The following CASK variants were observed in gnomAD, a reference collection of about 807,000 sequenced individuals.
CASK encodes the protein peripheral plasma membrane protein CASK.
Under a neutral mutation model 82.9 loss-of-function variants are expected in CASK, and 4 were observed. The observed-to-expected ratio is 0.05, with a 90% CI of 0.02 to 0.11. The LOEUF (loss-of-function observed/expected upper bound fraction) is 0.11. CASK is among the 10% of genes least tolerant of loss of function. CASK has a pLI of 1.00. For synonymous variants in CASK, 259 were observed against 253.5 expected, an observed-to-expected ratio of 1.02 and a Z score of -0.20; for missense variants, 358 against 720.9, an observed-to-expected ratio of 0.50 and a Z score of 5.76.
At chrX:41,809,084 C>T (rs1000253890) in intron 2 of CASK, among the ~76,000 whole-genome samples, 50 of 112,390 alleles carry the variant, frequency 4.4e-4, no homozygotes, top group South Asian at 2.2e-3. Flanking sequence ...GTAAACAAAG[C>T]GGCCAGGAAG....
At chrX:41,888,740 T>C (rs1339612086) in intron 1 of CASK, among the ~76,000 whole-genome samples, 6 of 101,899 alleles carry the variant, frequency 5.9e-5, no homozygotes, top group South Asian at 4.2e-4. Flanking sequence ...TGTATATATA[T>C]ACATATATAT....
At chrX:41,570,010 CTTTTTTT>C (rs397937722) in intron 15 of CASK, among the ~76,000 whole-genome samples, 7 of 70,627 alleles carry the variant, frequency 9.9e-5, no homozygotes, top group East Asian at 5.1e-4. Context: ...TTTCTTTTTT[CTTTTTTT>C]TTTTTTTTTT....
At chrX:41,888,746 T>C (rs939974726) in intron 1 of CASK, among the ~76,000 whole-genome samples, 1 of 99,811 alleles carries the variant, frequency 1.0e-5, no homozygotes, top group African/African-American at 3.6e-5. Flanking sequence ...TATATACATA[T>C]ATATGTATAT....
intron 1 of CASK, among the ~76,000 whole-genome samples, chrX:41,856,933 T>C: frequency 9.0e-6 from 1 of 111,228 alleles, no homozygotes; most frequent in Non-Finnish European, 1.9e-5. Context: ...GAGTCCCTTT[T>C]TGACTAACAG....
At chrX:41,747,676 C>T (rs1033951287) in intron 3 of CASK, among the ~76,000 whole-genome samples, 2 of 111,890 alleles carry the variant, frequency 1.8e-5, no homozygotes, top group Non-Finnish European at 3.8e-5. Context: ...CTCCTGACCT[C>T]GTGATCCGCC....
intron 14 of CASK, chrX:41,585,122 T>TA (rs2065637449): frequency 8.9e-6 from 1 of 112,033 alleles, no homozygotes; most frequent in Non-Finnish European, 1.9e-5. Flanking sequence ...GGAAAAGAGT[T>TA]AGAGAAGAGA....
chrX:41,747,916 T>C (rs528985652), intron 3 of CASK, among the ~76,000 whole-genome samples: 7 of 112,678 alleles, frequency 6.2e-5, no homozygotes, highest in African/African-American at 2.3e-4. Flanking sequence ...TTGCATTTCC[T>C]TGATTACTAC....
chrX:41,876,184 G>A (rs2071813875), intron 1 of CASK, among the ~76,000 whole-genome samples: 1 of 111,046 alleles, frequency 9.0e-6, no homozygotes, highest in Non-Finnish European at 1.9e-5. Context: ...TATTATTACA[G>A]CTATTGAGTA....
At chrX:41,720,023 A>G (rs1199144220) in intron 5 of CASK, among the ~76,000 whole-genome samples, 1 of 112,914 alleles carries the variant, frequency 8.9e-6, no homozygotes, top group Non-Finnish European at 1.9e-5. Context: ...AGAAGTTACT[A>G]TTTATTCCTA....
intron 5 of CASK, among the ~76,000 whole-genome samples, chrX:41,725,360 G>T (rs1429649460): frequency 9.0e-6 from 1 of 111,392 alleles, no homozygotes; most frequent in Non-Finnish European, 1.9e-5. Context: ...TCTGAAGGGG[G>T]TAGAGAGTAA....
At chrX:41,700,007 G>A (rs542786194) in intron 5 of CASK, among the ~76,000 whole-genome samples, 55 of 112,025 alleles carry the variant, frequency 4.9e-4, no homozygotes, top group East Asian at 1.7e-3. Flanking sequence ...AAGTATATAC[G>A]TATCTTTACC....
Position 41,629,985 on chromosome X carries a change from G to A in CASK, c.916-3282C>T, listed in dbSNP as rs771141821. Among the ~76,000 whole-genome samples the A allele has an allele frequency of 2.7e-5, 3 of 111,494 alleles. No individual in the cohort carries two copies. In the South Asian group the frequency reaches 1.1e-3, roughly 42 times the overall value. On this transcript the variant is annotated intron_variant, in intron 9 of 26. Coordinates refer to ENST00000378163, the MANE Select transcript of CASK (RefSeq NM_001367721.1). Reference sequence around the variant, plus strand: ...AAGGTATAATTTAGTATCTTTTAAGGGCGAAACATAATACTTTTGAGTTAA... The same window carrying A: ...AAGGTATAATTTAGTATCTTTTAAGAGCGAAACATAATACTTTTGAGTTAA...
intron 5 of CASK, among the ~76,000 whole-genome samples, chrX:41,709,253 G>T (rs2067933387): frequency 8.9e-6 from 1 of 111,831 alleles, no homozygotes; most frequent in Admixed American, 9.5e-5. Context: ...TGGGTGAAAG[G>T]GAAACACAGT....
Position 41,611,121 on chromosome X carries a change from T to TA in CASK, c.1034-1097dup, listed in dbSNP as rs756271471. Among the ~76,000 whole-genome samples, 315 of 111,709 alleles carry TA rather than the reference T, an allele frequency of 2.8e-3. 3 individuals are homozygous for TA. Among genetic ancestry groups the TA allele is most frequent in the Non-Finnish European group, 5.3e-3 (281 of 53,161 alleles). On this transcript the variant is annotated intron_variant, in intron 11 of 26. Coordinates refer to ENST00000378163, the MANE Select transcript of CASK (RefSeq NM_001367721.1). ...AGTGGGTAGAGGTCAGGGATGCTGC[T>TA]AAACATCCTACAATACCCAGGACAG...
chrX:41,616,364 A>G, intron 11 of CASK, among the ~76,000 whole-genome samples: 1 of 111,580 alleles, frequency 9.0e-6, no homozygotes, highest in Non-Finnish European at 1.9e-5. Flanking sequence ...CCCACCTTCT[A>G]GATAGGGAAC....
intron 5 of CASK, among the ~76,000 whole-genome samples, chrX:41,677,519 G>A (rs1203795995): frequency 8.9e-6 from 1 of 112,000 alleles, no homozygotes; most frequent in African/African-American, 3.2e-5. Flanking sequence ...TGAGAACTGA[G>A]AACTGACCAT....
chrX:41,856,306 T>C (rs1359933856), intron 1 of CASK, among the ~76,000 whole-genome samples: 3 of 111,228 alleles, frequency 2.7e-5, no homozygotes, highest in Admixed American at 9.5e-5. Flanking sequence ...ATAATAGTAA[T>C]AATTAAATTT....
chrX:41,712,754 C>T (rs1292527184), intron 5 of CASK, among the ~76,000 whole-genome samples: 2 of 112,603 alleles, frequency 1.8e-5, no homozygotes, highest in African/African-American at 6.5e-5. Flanking sequence ...AGATTTGCAA[C>T]TTACATCACT....
intron 8 of CASK, among the ~76,000 whole-genome samples, chrX:41,652,915 C>T (rs1481857233): frequency 8.9e-6 from 1 of 112,124 alleles, no homozygotes; most frequent in Non-Finnish European, 1.9e-5. Context: ...GATTTGTAGC[C>T]AGTCAGTCTG....
Sources: allele counts gnomAD v4.1 joint callset (sites outside exome capture counted in the v4.1 genomes callset), GRCh38; gene constraint gnomAD v4.1.1; transcripts MANE v1.5; gene names NCBI Gene and HGNC (gene_info 2026-07-23, HGNC 2026-07-21).